Variants in CIDEC observed in about 807,000 individuals in gnomAD.
CIDEC encodes the protein lipid transferase CIDEC.
CIDEC carries 11 observed loss-of-function variants against 21.9 expected under a neutral mutation model. The observed-to-expected ratio is 0.50, with a 90% CI of 0.32 to 0.83. The LOEUF (loss-of-function observed/expected upper bound fraction) is 0.83. Among genes scored for constraint, CIDEC ranks in the 40% least tolerant of loss-of-function variants. CIDEC has a pLI of 0.04. For missense variants in CIDEC, 302 were observed against 302.3 expected (o/e 1.00, Z 0.01); for synonymous variants, 127 against 124.9 (o/e 1.02, Z -0.11).
intron 2 of CIDEC, 143 bp from the exon 3 acceptor site, chr3:9,878,654 C>A: frequency 7.8e-7 from 1 of 1,284,394 alleles, no homozygotes; most frequent in East Asian, 2.5e-5. Context: ...CCTCCCCCAG[C>A]CCTTCTCCTG....
In CIDEC at chr3:9,875,688, AAGG is replaced by A. The variant is rs2082413344; in HGVS notation, c.207+1375_207+1377del. On this transcript the variant is annotated intron_variant, in intron 4 of 6. Transcript: ENST00000336832. ...TATGATGGCTATCCTTGTTTGTAGA[AAGG>A]AGAATATCCTTGTTTGTAGAAAATG... Among the ~76,000 whole-genome samples, 5 of 152,246 alleles carry A rather than the reference AAGG, an allele frequency of 3.3e-5. No homozygotes were observed. In the South Asian group the frequency reaches 1.0e-3, roughly 31 times the overall value.
In CIDEC at chr3:9,867,065, G is replaced by GC. The variant is rs754522522; in HGVS notation, c.*68dup. On this transcript the variant is annotated 3_prime_UTR_variant, in exon 7 of 7. Transcript: ENST00000336832. ...GGCTCTACAGCTGCCAGGCTTGTGG[G>GC]CACTACCAGTTAAGCGTGAGGCCCC... The GC allele has an allele frequency of 5.4e-5, 83 of 1,541,984 alleles. No individual in the cohort carries two copies. Among genetic ancestry groups the GC allele is most frequent in the South Asian group, 1.1e-4 (10 of 89,660 alleles).
intron 6 of CIDEC, among the ~76,000 whole-genome samples, chr3:9,868,597 T>C (rs2082304506): frequency 6.6e-6 from 1 of 152,166 alleles, no homozygotes; most frequent in African/African-American, 2.4e-5. Context: ...GTAGGGGAAA[T>C]GGGGAAGCGG....
intron 4 of CIDEC, among the ~76,000 whole-genome samples, chr3:9,872,616 T>C (rs1387154664): frequency 2.0e-5 from 3 of 152,346 alleles, no homozygotes; most frequent in African/African-American, 7.2e-5. Context: ...TAGACCCTTA[T>C]CAGCTATATG....
chr3:9,867,358 G>T (rs1401942656), intron 6 of CIDEC, 62 bp from the exon 7 acceptor site: 3 of 1,572,696 alleles, frequency 1.9e-6, no homozygotes, highest in Non-Finnish European at 2.6e-6. Context: ...TGGCGTTCAC[G>T]CCTGTAATCC....
chr3:9,869,462 C>T (rs1184308282), intron 6 of CIDEC, among the ~76,000 whole-genome samples: 1 of 152,068 alleles, frequency 6.6e-6, no homozygotes, highest in Non-Finnish European at 1.5e-5. Context: ...GTTGGCCAGG[C>T]TGGTCTCAAA....
At chr3:9,876,182 TG>T (rs2125050919) in intron 4 of CIDEC, among the ~76,000 whole-genome samples, 1 of 152,274 alleles carries the variant, frequency 6.6e-6, no homozygotes, top group East Asian at 1.9e-4. Context: ...CCTATAGAGA[TG>T]ATCAGTGAGG....
At chr3:9,874,386 T>G (rs1372204355) in intron 4 of CIDEC, among the ~76,000 whole-genome samples, 1 of 151,784 alleles carries the variant, frequency 6.6e-6, no homozygotes, top group Non-Finnish European at 1.5e-5. Flanking sequence ...TGTGAGATCG[T>G]GTACCTATAG....
chr3:9,870,214 CTG>C lies in CIDEC; in HGVS notation c.314_315del (p.Thr105SerfsTer28). The C allele has an allele frequency of 1.9e-6, 3 of 1,614,212 alleles. No homozygotes were observed. Among genetic ancestry groups the C allele is most frequent in the Non-Finnish European group, 2.5e-6 (3 of 1,180,040 alleles). On this transcript the variant is annotated frameshift_variant, in exon 5 of 7. Coordinates refer to ENST00000336832, the MANE Select transcript of CIDEC (RefSeq NM_001321142.2). LOFTEE classifies it high-confidence loss of function. Reference protein sequence around the residue: ...EEYFQALAGDTVFMVLQKGQK... With the variant: ...EEYFQALAGDXVFMVLQKGQK... ...TGCCCCTTCTGGAGGACCATGAACACTGTATCCCCTGCCAGGGCTTGGAAGTA... is the reference window on the plus strand; with the variant it reads ...TGCCCCTTCTGGAGGACCATGAACACTATCCCCTGCCAGGGCTTGGAAGTA...
chr3:9,878,988 T>C lies in CIDEC; in HGVS notation c.-72A>G, dbSNP rs2082468481. On this transcript the variant is annotated 5_prime_UTR_variant, in exon 2 of 7. Transcript: ENST00000336832. Reference sequence around the variant, plus strand: ...GGCAGGCAGCCCAGTCAAAGCCTCCTCTCTCCCATGGGTCCTTGAGCAATC... The same window carrying C: ...GGCAGGCAGCCCAGTCAAAGCCTCCCCTCTCCCATGGGTCCTTGAGCAATC... 3 of 653,226 alleles carry C rather than the reference T, an allele frequency of 4.6e-6. No homozygotes were observed. Among genetic ancestry groups the C allele is most frequent in the Non-Finnish European group, 8.3e-6 (3 of 362,508 alleles). The allele number at this position is 653,226 out of a possible 1,614,324, so 40.5% of individuals were successfully genotyped here.
chr3:9,867,790 C>T (rs1183996611), intron 6 of CIDEC, among the ~76,000 whole-genome samples: 3 of 152,046 alleles, frequency 2.0e-5, no homozygotes, highest in African/African-American at 4.8e-5. Flanking sequence ...ATTAGCCGGG[C>T]GTGGTGGCAG....
intron 5 of CIDEC, 30 bp from the exon 6 acceptor site, chr3:9,870,099 C>T: frequency 6.2e-7 from 1 of 1,613,988 alleles, no homozygotes; most frequent in Non-Finnish European, 8.5e-7. Context: ...TGGTTAGCAC[C>T]CCTTGAAGAC....
chr3:9,869,795 G>A (rs573472053), intron 6 of CIDEC, 87 bp downstream of exon 6: 12 of 1,243,226 alleles, frequency 9.7e-6, no homozygotes, highest in South Asian at 3.7e-5. Context: ...AGACCCAGGC[G>A]CTGAGAAGGC....
At chr3:9,876,959 C>T (rs1448540960) in intron 4 of CIDEC, 107 bp downstream of exon 4, 16 of 889,918 alleles carry the variant, frequency 1.8e-5, no homozygotes, top group East Asian at 5.3e-5. Context: ...CATCTGTAGG[C>T]GCTGGTAGGT....
At chr3:9,878,800 C>T (rs1327114505) in intron 2 of CIDEC, 142 bp downstream of exon 2, 15 of 1,536,118 alleles carry the variant, frequency 9.8e-6, no homozygotes, top group Non-Finnish European at 1.3e-5. Context: ...CATCCCCTGG[C>T]TCTGGTCACA....
At chr3:9,876,172 C>T (rs1449744731) in intron 4 of CIDEC, among the ~76,000 whole-genome samples, 2 of 152,184 alleles carry the variant, frequency 1.3e-5, no homozygotes, top group African/African-American at 4.8e-5. Context: ...GGGTCCCACC[C>T]CTATAGAGAT....
Position 9,867,071 on chromosome 3 carries a change from C to G in CIDEC, c.*63G>C, listed in dbSNP as rs2125038702. On this transcript the variant is annotated 3_prime_UTR_variant, in exon 7 of 7. Coordinates refer to ENST00000336832, the MANE Select transcript of CIDEC (RefSeq NM_001321142.2). ...ACAGCTGCCAGGCTTGTGGGCACTA[C>G]CAGTTAAGCGTGAGGCCCCCAGTCA... is the stretch of plus-strand genomic sequence containing the variant. The G allele has an allele frequency of 6.4e-7, 1 of 1,568,366 alleles. No individual in the cohort carries two copies. The highest frequency in any genetic ancestry group is 1.4e-5 in the African/African-American group (1 of 74,048).
At position 9,866,757 on chromosome 3, in the gene CIDEC, A is replaced by C; in HGVS notation, c.*377T>G. On this transcript the variant is annotated 3_prime_UTR_variant, in exon 7 of 7. Transcript: ENST00000336832. ...TGCAAACTCCCTAATATCACATGCT[A>C]GTGCGCTTGCGAATTCACTCAGGAA... 2 of 512,360 alleles carry C rather than the reference A, an allele frequency of 3.9e-6. No individual in the cohort carries two copies. The highest frequency in any genetic ancestry group is 3.4e-5 in the East Asian group (1 of 29,184). The allele number at this position is 512,360 out of a possible 1,614,324, so 31.7% of individuals were successfully genotyped here.
chr3:9,868,320 G>T (rs968536439), intron 6 of CIDEC, among the ~76,000 whole-genome samples: 1 of 152,172 alleles, frequency 6.6e-6, no homozygotes, highest in African/African-American at 2.4e-5. Context: ...AGACTCTGAG[G>T]CCTGTCCAAG....
Sources: allele counts gnomAD v4.1 joint callset (sites outside exome capture counted in the v4.1 genomes callset), GRCh38; gene constraint gnomAD v4.1.1; transcripts MANE v1.5; gene names NCBI Gene and HGNC (gene_info 2026-07-23, HGNC 2026-07-21).